The following ACOT11 variants were observed in gnomAD, a reference collection of about 807,000 sequenced individuals.
ACOT11 encodes acyl-CoA thioesterase 11.
ACOT11 carries 69 observed loss-of-function variants against 77.5 expected under a neutral mutation model. That is an observed-to-expected ratio of 0.89 (90% confidence interval 0.73 to 1.09). ACOT11 has a LOEUF of 1.09. ACOT11 is among the 50% of genes least tolerant of loss of function. The probability of loss-of-function intolerance (pLI) is 0.00; values close to 1 mark genes in which losing one functional copy is unlikely to be tolerated. For synonymous variants in ACOT11, 279 were observed against 313.0 expected, an observed-to-expected ratio of 0.89 and a Z score of 1.15; for missense variants, 766 against 813.7, an observed-to-expected ratio of 0.94 and a Z score of 0.71.
intron 15 of ACOT11, among the ~76,000 whole-genome samples, chr1:54,625,176 C>CACTTGGACGAACCAGAGTGTAGCTCTGAT (rs1295971273): frequency 6.6e-6 from 1 of 151,262 alleles, no homozygotes; most frequent in African/African-American, 2.4e-5. Context: ...GGAGCCCAGG[C>CACTTGGACGAACCAGAGTGTAGCTCTGAT]TCAATTCTCA....
intron 15 of ACOT11, chr1:54,616,135 T>C (rs776262199): frequency 6.2e-7 from 1 of 1,614,134 alleles, no homozygotes; most frequent in East Asian, 2.2e-5. Context: ...TGCCGAGCCC[T>C]TCTACATTGA....
rs963565039 is a variant in ACOT11 at position 54,557,609 on chromosome 1, G to GTATTT, written c.33+9284_33+9288dup. Among the ~76,000 whole-genome samples, 7 of 151,918 alleles carry GTATTT rather than the reference G, an allele frequency of 4.6e-5. No individual in the cohort carries two copies. The South Asian group carries it at 1.0e-3, about 23-fold the overall frequency. ...CCTCCTTGGTTAAATTTATTCTCAG[G>GTATTT]TATTTTATTTTATTTTATTTTTCGT... On this transcript the variant is annotated intron_variant, in intron 1 of 15. Transcript: ENST00000343744.
intron 1 of ACOT11, among the ~76,000 whole-genome samples, chr1:54,550,513 A>G (rs1248575506): frequency 6.6e-6 from 1 of 152,208 alleles, no homozygotes; most frequent in Non-Finnish European, 1.5e-5. Context: ...GCAAACAAGC[A>G]AACAAATAAA....
chr1:54,614,407 T>G (rs1358749504), downstream of ACOT11, among the ~76,000 whole-genome samples: 2 of 137,130 alleles, frequency 1.5e-5, no homozygotes, highest in Admixed American at 7.5e-5. Flanking sequence ...GACAGCCCCA[T>G]GAAGTCAGGG....
intron 15 of ACOT11, among the ~76,000 whole-genome samples, chr1:54,622,922 C>A (rs1260521961): frequency 6.6e-6 from 1 of 152,118 alleles, no homozygotes; most frequent in South Asian, 2.1e-4. Flanking sequence ...CACCTGTAAT[C>A]CCAGCACTTT....
Position 54,625,152 on chromosome 1 carries a change from G to A in ACOT11, c.1630-5582G>A, listed in dbSNP as rs113749771. ...GTGAGACTGTGATGGGCCACCTGAG[G>A]CAGAGCCAGCCCTGGAGCCCAGGCT... is the stretch of plus-strand genomic sequence containing the variant. On this transcript the variant is annotated intron_variant, in intron 15 of 16. Coordinates refer to the ACOT11 transcript ENST00000371316. 6.2e-3 allele frequency among the ~76,000 whole-genome samples: 951 copies of A among 152,298 alleles called. 12 individuals are homozygous for A. The highest frequency in any genetic ancestry group is 0.022 in the African/African-American group (903 of 41,560).
At chr1:54,572,915 A>G in intron 1 of ACOT11, 1 of 985,322 alleles carries the variant, frequency 1.0e-6, no homozygotes, top group Non-Finnish European at 1.2e-6. Context: ...GTTTCCTCCC[A>G]CTCTGAGAGC....
Position 54,609,746 on chromosome 1 carries a change from A to G in ACOT11, c.*634A>G. The G allele has an allele frequency of 6.2e-7, 1 of 1,614,208 alleles. No homozygotes were observed. ...GCCAAGGCTGGAGAGGCGTGCCAGC[A>G]AGGCCAGGGATGGCCGGAGGGCTGC... On this transcript the variant is annotated 3_prime_UTR_variant, in exon 16 of 16. Coordinates refer to ENST00000343744, the MANE Select transcript of ACOT11 (RefSeq NM_147161.4).
intron 15 of ACOT11, chr1:54,616,110 C>A: frequency 6.2e-7 from 1 of 1,614,190 alleles, no homozygotes; most frequent in East Asian, 2.2e-5. Context: ...ATGGGAACTC[C>A]TGTCTCATTG....
At chr1:54,620,500 G>A (rs1644219238) in intron 15 of ACOT11, among the ~76,000 whole-genome samples, 2 of 152,110 alleles carry the variant, frequency 1.3e-5, no homozygotes, top group African/African-American at 4.8e-5. Flanking sequence ...GAGATTAGGA[G>A]TTCGAGACCA....
intron 1 of ACOT11, among the ~76,000 whole-genome samples, chr1:54,553,754 C>T (rs906204292): frequency 3.3e-5 from 5 of 152,118 alleles, no homozygotes; most frequent in African/African-American, 1.2e-4. Context: ...TCTCTCCATC[C>T]CCCCAACAAC....
At chr1:54,597,778 C>A (rs753845362) in intron 7 of ACOT11, 29 of 220,564 alleles carry the variant, frequency 1.3e-4, no homozygotes, top group Non-Finnish European at 2.5e-4. Flanking sequence ...ACTTTCCCAG[C>A]CCCTGCCTTT....
chr1:54,564,175 G>A (rs1318227286), intron 1 of ACOT11, among the ~76,000 whole-genome samples: 1 of 152,128 alleles, frequency 6.6e-6, no homozygotes. Flanking sequence ...GGGACGTAGA[G>A]GCTGCAGTGA....
intron 13 of ACOT11, among the ~76,000 whole-genome samples, chr1:54,605,451 G>A (rs1027163196): frequency 6.6e-6 from 1 of 152,218 alleles, no homozygotes; most frequent in Non-Finnish European, 1.5e-5. Flanking sequence ...AACCAGCTGT[G>A]TGACATTGGA....
In ACOT11 at chr1:54,584,628, C is replaced by A. The variant is rs1377558780; in HGVS notation, c.34-27C>A. On this transcript the variant is annotated intron_variant, in intron 1 of 15. Transcript: ENST00000343744. This position sits in a 1 kb window ranked among gnomAD's most constrained non-coding sequence, Gnocchi z 6.3. Reference sequence around the variant, plus strand: ...CCCTGCAGCAAGCAGACCTCTCTGTCCCCACCTGTCCCCACCTGTACCCCA... The same window carrying A: ...CCCTGCAGCAAGCAGACCTCTCTGTACCCACCTGTCCCCACCTGTACCCCA... 2 of 1,600,840 alleles carry A rather than the reference C, an allele frequency of 1.2e-6. No homozygotes were observed.
chr1:54,597,601 A>G (rs1643904043), intron 7 of ACOT11, 186 bp downstream of exon 7: 1 of 761,694 alleles, frequency 1.3e-6, no homozygotes, highest in Admixed American at 3.0e-5. Context: ...AAAAGCTAGC[A>G]TCTTTTACAT....
chr1:54,608,750 C>T (rs1483303688), intron 15 of ACOT11, among the ~76,000 whole-genome samples: 10 of 152,030 alleles, frequency 6.6e-5, no homozygotes, highest in East Asian at 1.9e-4. Context: ...TGTCAGTGCC[C>T]GAGGAAGGGT....
intron 1 of ACOT11, among the ~76,000 whole-genome samples, chr1:54,560,686 C>T (rs1465595852): frequency 6.6e-6 from 1 of 151,944 alleles, no homozygotes; most frequent in African/African-American, 2.4e-5. Flanking sequence ...GTACACCTGA[C>T]CTAGCAACCA....
intron 1 of ACOT11, among the ~76,000 whole-genome samples, chr1:54,555,308 T>G (rs1341238769): frequency 6.6e-6 from 1 of 152,200 alleles, no homozygotes; most frequent in Admixed American, 6.5e-5. Context: ...GCTATTTCAT[T>G]GTGGTTTTGA....
Sources: gnomAD v4.1 joint callset for allele counts (sites outside exome capture counted in the v4.1 genomes callset) on GRCh38, gnomAD v4.1.1 for gene constraint, Gnocchi (gnomAD v3.1) non-coding constraint, MANE v1.5 for transcripts, NCBI Gene and HGNC (gene_info 2026-07-23, HGNC 2026-07-21) for gene names.